DACT2: variants seen among roughly 807,000 people sequenced by gnomAD.
The protein encoded by DACT2 is dishevelled binding antagonist of beta catenin 2.
DACT2 carries 20 observed loss-of-function variants against 22.2 expected under a neutral mutation model. The ratio of observed to expected loss-of-function variants is 0.90; its 90% CI spans 0.63 to 1.31. The LOEUF (loss-of-function observed/expected upper bound fraction) is 1.31, where lower values mean the gene tolerates loss of function less well. DACT2 is among the 50% of genes most tolerant of loss of function. The pLI, the probability that DACT2 is intolerant of heterozygous loss-of-function variation, is 0.00. For missense variants in DACT2, 1,048 were observed against 1,061.4 expected (o/e 0.99, Z 0.18); for synonymous variants, 463 against 479.8 (o/e 0.96, Z 0.46).
downstream of DACT2, among the ~76,000 whole-genome samples, chr6:168,304,939 T>C (rs75255846): frequency 0.065 from 9,847 of 152,250 alleles, 989 homozygotes; most frequent in African/African-American, 0.22. Context: ...AGAATTCTAC[T>C]TCTTTACTCC....
exon 6 of DACT2, chr6:168,292,979 A>G (rs894948842): frequency 2.6e-5 from 4 of 152,178 alleles, no homozygotes; most frequent in Non-Finnish European, 5.9e-5. Context: ...AACATAAGAT[A>G]CAATCCTAAA....
rs891261485 is a variant in DACT2 at position 168,308,091 on chromosome 6, C to T, written c.1666G>A (p.Ala556Thr). The T allele has an allele frequency of 9.7e-6, 15 of 1,544,302 alleles. No homozygotes were observed. Among genetic ancestry groups the T allele is most frequent in the Non-Finnish European group, 1.3e-5 (15 of 1,142,880 alleles). Residue 556 changes from alanine to threonine, a missense_variant, in exon 4 of 4, where the codon GCA (alanine) becomes ACA (threonine). By Grantham distance (58) the Ala-to-Thr change is moderately conservative. Transcript: ENST00000366795. ...LQRRPALAWE[A>T]PGRSCSESTL... ...GACTCAGAACAGGAGCGCCCGGGTGCCTCCCAGGCCAGGGCTGGCCTCCGC... is the reference window on the plus strand; with the variant it reads ...GACTCAGAACAGGAGCGCCCGGGTGTCTCCCAGGCCAGGGCTGGCCTCCGC...
intron 1 of DACT2, among the ~76,000 whole-genome samples, chr6:168,315,905 C>G (rs1443513191): frequency 6.6e-6 from 1 of 152,116 alleles, no homozygotes; most frequent in Admixed American, 6.5e-5. Flanking sequence ...TCATTGTATT[C>G]AACACTATAG....
In DACT2 at chr6:168,309,073, C is replaced by T. The variant is rs772605714; in HGVS notation, c.684G>A (p.Ala228=). Residue 228 remains alanine (A), a synonymous_variant, in exon 4 of 4, where the codon GCG becomes GCA. Coordinates refer to ENST00000366795, the MANE Select transcript of DACT2 (RefSeq NM_214462.5). The part of the protein sequence containing the change: ...STGDLDRALP[A]DTGLQKASAD... ...CGCTGGCTTTCTGGAGCCCCGTGTC[C>T]GCCGGCAGGGCTCTGTCAAGATCAC... 3.5e-5 allele frequency: 53 copies of T among 1,534,078 alleles called. No homozygotes were observed. The East Asian group carries it at 6.4e-4, about 18-fold the overall frequency.
Position 168,310,206 on chromosome 6 carries a change from T to G in DACT2, c.620A>C (p.Gln207Pro). The G allele has an allele frequency of 6.4e-7, 1 of 1,550,800 alleles. No homozygotes were observed. Among genetic ancestry groups the G allele is most frequent in the Non-Finnish European group, 8.7e-7 (1 of 1,146,954 alleles). ...RPPGSVEDAG[Q>P]PWGTFWPRPV... ...CCTGGGCCAGAATGTGCCCCACGGC[T>G]GGCCTGCATCCTCCACGCTCCCTGG... The change falls in exon 3 of 4, where the codon CAG becomes CCG. Residue 207 changes from glutamine to proline, a missense_variant. By Grantham distance (76) the Gln-to-Pro change is moderately conservative. Coordinates refer to ENST00000366795, the MANE Select transcript of DACT2 (RefSeq NM_214462.5).
At chr6:168,305,144 T>C (rs879572211), downstream of DACT2, among the ~76,000 whole-genome samples, 2 of 151,892 alleles carry the variant, frequency 1.3e-5, no homozygotes, top group Non-Finnish European at 2.9e-5. Context: ...AGGAGAACGA[T>C]TGATTGATTG....
At chr6:168,312,978 C>T (rs1167625662) in intron 1 of DACT2, among the ~76,000 whole-genome samples, 1 of 152,208 alleles carries the variant, frequency 6.6e-6, no homozygotes, top group South Asian at 2.1e-4. Flanking sequence ...AGGAGCAGAC[C>T]TCCTCCTCCA....
chr6:168,307,024 G>A lies in DACT2; in HGVS notation c.*408C>T. 1 of 1,011,240 alleles carries A rather than the reference G, an allele frequency of 9.9e-7. No individual in the cohort carries two copies. Among genetic ancestry groups the A allele is most frequent in the Non-Finnish European group, 1.2e-6 (1 of 846,144 alleles). The allele number at this position is 1,011,240 out of a possible 1,614,324, so 62.6% of individuals were successfully genotyped here. On this transcript the variant is annotated 3_prime_UTR_variant, in exon 4 of 4. Transcript: ENST00000366795. This position sits in a 1 kb window ranked among gnomAD's most constrained non-coding sequence, Gnocchi z 5.3. ...AATTCAATTTCCAGCTCAGAGTCCTGCAACCGCCTCTTTAAAATGCTTTTG... is the reference window on the plus strand; with the variant it reads ...AATTCAATTTCCAGCTCAGAGTCCTACAACCGCCTCTTTAAAATGCTTTTG...
downstream of DACT2, among the ~76,000 whole-genome samples, chr6:168,303,417 G>A (rs564882701): frequency 3.3e-5 from 5 of 152,252 alleles, no homozygotes; most frequent in East Asian, 1.9e-4. Context: ...GTGAGTTCTC[G>A]CTCTGGCGGA....
At chr6:168,312,764 C>T (rs1364345207) in intron 1 of DACT2, among the ~76,000 whole-genome samples, 1 of 152,156 alleles carries the variant, frequency 6.6e-6, no homozygotes, top group Non-Finnish European at 1.5e-5. Context: ...TGAGGAGTTC[C>T]CCTGAGCCCC....
At chr6:168,314,396 C>T (rs1237565130) in intron 1 of DACT2, among the ~76,000 whole-genome samples, 1 of 152,168 alleles carries the variant, frequency 6.6e-6, no homozygotes, top group Non-Finnish European at 1.5e-5. Flanking sequence ...CAGCTGGGCA[C>T]ACCTGCAGAC....
Position 168,298,197 on chromosome 6 carries a change from C to T in DACT2, c.659-3493G>A, listed in dbSNP as rs117263575. On this transcript the variant is annotated intron_variant, in intron 3 of 5. Coordinates refer to the DACT2 transcript ENST00000366796. ...AATATAGGCAAACTTAGCAGACATC[C>T]GTCCTGACTTCAGAGCTGTGGCTAA... 23 of 152,238 alleles carry T rather than the reference C, an allele frequency of 1.5e-4. No homozygotes were observed. The East Asian group carries it at 3.7e-3, about 24-fold the overall frequency. The allele number at this position is 152,238 out of a possible 1,614,324, so 9.4% of individuals were successfully genotyped here. A position where few individuals can be genotyped will look rare whatever the true frequency, so the allele number is the denominator to read the frequency against.
At position 168,319,437 on chromosome 6, in the gene DACT2, C is replaced by T. The variant is rs1388554626; in HGVS notation, c.197G>A (p.Gly66Asp). 7 of 1,205,800 alleles carry T rather than the reference C, an allele frequency of 5.8e-6. No homozygotes were observed. The African/African-American group carries it at 6.3e-5, about 11-fold the overall frequency. 74.7% of individuals were successfully genotyped at this position (1,205,800 alleles called of 1,614,324 possible). A position where few individuals can be genotyped will look rare whatever the true frequency, so the allele number is the denominator to read the frequency against. The change falls in exon 1 of 4, where the codon GGC (glycine) becomes GAC (aspartate). Residue 66 changes from glycine to aspartate, a missense_variant. Gly to Asp is a moderately conservative substitution (Grantham distance 94). Transcript: ENST00000366795. ...AAPCGPHGLHGPEQQLEAALA... is the reference protein window; with the variant it reads ...AAPCGPHGLHDPEQQLEAALA... ...CGCCGCCTCCAGCTGCTGCTCGGGG[C>T]CGTGGAGGCCGTGGGGGCCGCAGGG...
At position 168,294,573 on chromosome 6, in the gene DACT2, G is replaced by GTATATATATATATATATA. The variant is rs766244346; in HGVS notation, c.730+59_730+60insTATATATATATATATATA. On this transcript the variant is annotated intron_variant, in intron 4 of 5. Coordinates refer to the DACT2 transcript ENST00000366796. ...TGTGTGTGTGTGTATGTGTGTGTGT[G>GTATATATATATATATATA]TGTGTATATATATATATATATATAT... 3 of 441,130 alleles carry GTATATATATATATATATA rather than the reference G, an allele frequency of 6.8e-6. No homozygotes were observed. In the African/African-American group the frequency reaches 1.4e-4, roughly 21 times the overall value. The allele number at this position is 441,130 out of a possible 1,614,324, so 27.3% of individuals were successfully genotyped here.
intron 5 of DACT2, chr6:168,294,100 G>T (rs544072974): frequency 1.0e-5 from 7 of 702,958 alleles, no homozygotes; most frequent in Admixed American, 2.0e-5. Context: ...AGCTAGACCC[G>T]AAGCACACAG....
At chr6:168,297,893 G>A (rs999765031) in intron 3 of DACT2, among the ~76,000 whole-genome samples, 10 of 152,348 alleles carry the variant, frequency 6.6e-5, no homozygotes, top group Middle Eastern at 3.4e-3. Context: ...TGGAGGTGTC[G>A]GCGCAGCCCG....
intron 1 of DACT2, among the ~76,000 whole-genome samples, chr6:168,313,056 A>AT (rs201288654): frequency 1.8e-4 from 28 of 151,410 alleles, no homozygotes; most frequent in African/African-American, 3.9e-4. Context: ...AAGCCATAAT[A>AT]TTTTTTTTTA....
intron 3 of DACT2, 56 bp from the exon 4 acceptor site, chr6:168,309,154 T>C (rs1779322888): frequency 2.1e-6 from 3 of 1,448,668 alleles, no homozygotes; most frequent in East Asian, 5.0e-5. Flanking sequence ...TAGTGCACTG[T>C]TGATTTCATT....
chr6:168,307,273 T>C lies in DACT2; in HGVS notation c.*159A>G. On this transcript the variant is annotated 3_prime_UTR_variant, in exon 4 of 4. Coordinates refer to ENST00000366795, the MANE Select transcript of DACT2 (RefSeq NM_214462.5). The surrounding 1 kb of genome is among the most constrained non-coding windows in gnomAD (Gnocchi z 5.3). The stretch of plus-strand genomic sequence containing the variant: ...CTGGGGCGGGGACTCACGGCCATAC[T>C]CCACAGGGCAGAACCCATCTGCGGG... The C allele has an allele frequency of 2.1e-6, 3 of 1,435,064 alleles. No individual in the cohort carries two copies. The highest frequency in any genetic ancestry group is 1.5e-5 in the South Asian group (1 of 65,942). The allele number at this position is 1,435,064 out of a possible 1,614,324, so 88.9% of individuals were successfully genotyped here. A position where few individuals can be genotyped will look rare whatever the true frequency, so the allele number is the denominator to read the frequency against.
Sources: allele counts gnomAD v4.1 joint callset (sites outside exome capture counted in the v4.1 genomes callset), GRCh38; gene constraint gnomAD v4.1.1; non-coding constraint Gnocchi (gnomAD v3.1); transcripts MANE v1.5; gene names NCBI Gene and HGNC (gene_info 2026-07-23, HGNC 2026-07-21).